CADM1: variants seen among roughly 807,000 people sequenced by gnomAD.
CADM1 encodes the protein TSLC-1.
CADM1 carries 15 observed loss-of-function variants against 53.1 expected under a neutral mutation model. The observed-to-expected ratio is 0.28, with a 90% confidence interval of 0.19 to 0.44. The LOEUF is 0.44. CADM1 is among the 20% of genes least tolerant of loss of function. CADM1 has a pLI of 1.00. For synonymous variants in CADM1, 281 were observed against 243.0 expected, an observed-to-expected ratio of 1.16 and a Z score of -1.45; for missense variants, 434 against 611.3, an observed-to-expected ratio of 0.71 and a Z score of 3.06.
chr11:115,226,209 G>A (rs1419947099), intron 5 of CADM1, among the ~76,000 whole-genome samples: 1 of 152,120 alleles, frequency 6.6e-6, no homozygotes, highest in Non-Finnish European at 1.5e-5. Flanking sequence ...TAATTTAATA[G>A]ATATTTTTAC....
At chr11:115,310,496 T>TG (rs975859442) in intron 1 of CADM1, among the ~76,000 whole-genome samples, 29 of 152,114 alleles carry the variant, frequency 1.9e-4, no homozygotes, top group Middle Eastern at 3.4e-3. Context: ...CATGTATGTA[T>TG]GGGGGGGTGG....
At chr11:115,203,287 T>C (rs1331786490) in intron 8 of CADM1, among the ~76,000 whole-genome samples, 1 of 152,164 alleles carries the variant, frequency 6.6e-6, no homozygotes, top group Non-Finnish European at 1.5e-5. Context: ...AGTGGTTTCA[T>C]TTAACAAGAA....
chr11:115,284,114 CTGTG>C lies in CADM1; in HGVS notation c.125-43698_125-43695del, dbSNP rs751286330. On this transcript the variant is annotated intron_variant, in intron 1 of 11. Transcript: ENST00000331581. ...TCTCTCTCTCTCTCTCTCTCTCTCT[CTGTG>C]TGTGTGTGTGTGTGTGTGTGTGTGT... Among the ~76,000 whole-genome samples the C allele has an allele frequency of 1.9e-3, 186 of 98,608 alleles. 1 individual carries two copies. Among genetic ancestry groups the C allele is most frequent in the South Asian group, 3.9e-3 (12 of 3,090 alleles). 64.7% of individuals were successfully genotyped at this position (98,608 alleles called of 152,430 possible).
At chr11:115,268,613 G>A (rs1943210656) in intron 1 of CADM1, among the ~76,000 whole-genome samples, 1 of 152,210 alleles carries the variant, frequency 6.6e-6, no homozygotes, top group Non-Finnish European at 1.5e-5. Flanking sequence ...AGGGTAACCA[G>A]AGCAGGGCCC....
intron 1 of CADM1, among the ~76,000 whole-genome samples, chr11:115,403,044 T>C (rs1947203446): frequency 6.6e-6 from 1 of 152,196 alleles, no homozygotes; most frequent in South Asian, 2.1e-4. Context: ...AACAGTAACT[T>C]CACTGTGGAG....
At chr11:115,481,010 G>T (rs952295318) in intron 1 of CADM1, among the ~76,000 whole-genome samples, 39 of 151,522 alleles carry the variant, frequency 2.6e-4, no homozygotes, top group Admixed American at 9.9e-4. Flanking sequence ...ATCTCCCTCT[G>T]TAATATCTCT....
intron 1 of CADM1, among the ~76,000 whole-genome samples, chr11:115,291,475 A>G (rs914709769): frequency 6.6e-6 from 1 of 152,226 alleles, no homozygotes; most frequent in African/African-American, 2.4e-5. Context: ...GGAAAATCAG[A>G]TAGACTCATT....
intron 1 of CADM1, among the ~76,000 whole-genome samples, chr11:115,493,205 C>T (rs77734497): frequency 0.012 from 1,774 of 151,222 alleles, 23 homozygotes; most frequent in Middle Eastern, 0.037. Flanking sequence ...ATACAGGAGC[C>T]ACTCTGAAGG....
At chr11:115,465,908 CT>C (rs1948890624) in intron 1 of CADM1, among the ~76,000 whole-genome samples, 2 of 152,092 alleles carry the variant, frequency 1.3e-5, no homozygotes, top group Non-Finnish European at 1.5e-5. Flanking sequence ...TAATAGAATT[CT>C]GCTAAAATGG....
At chr11:115,250,319 C>A (rs1942561669) in intron 1 of CADM1, among the ~76,000 whole-genome samples, 2 of 152,096 alleles carry the variant, frequency 1.3e-5, no homozygotes, top group Non-Finnish European at 2.9e-5. Context: ...ATTTTAAGTA[C>A]CCAATTTAAT....
intron 1 of CADM1, among the ~76,000 whole-genome samples, chr11:115,271,859 G>GTTT (rs1943308275): frequency 6.6e-6 from 1 of 152,150 alleles, no homozygotes; most frequent in Non-Finnish European, 1.5e-5. Context: ...CTGAGATGTG[G>GTTT]TATTCCATGT....
chr11:115,266,999 G>A (rs978169165), intron 1 of CADM1, among the ~76,000 whole-genome samples: 9 of 152,230 alleles, frequency 5.9e-5, no homozygotes, highest in African/African-American at 1.2e-4. Flanking sequence ...CTTCTTGCCT[G>A]TTGCACATGA....
intron 1 of CADM1, among the ~76,000 whole-genome samples, chr11:115,344,317 T>C (rs1461572572): frequency 6.6e-6 from 1 of 152,164 alleles, no homozygotes; most frequent in Non-Finnish European, 1.5e-5. Context: ...TTCAATGTCA[T>C]ATCTTTGTTT....
chr11:115,384,478 G>A (rs980561733), intron 1 of CADM1, among the ~76,000 whole-genome samples: 2 of 152,158 alleles, frequency 1.3e-5, no homozygotes, highest in African/African-American at 2.4e-5. Context: ...TCGATTGGCT[G>A]TTATCACAGA....
In CADM1 at chr11:115,173,447, G is replaced by T; in HGVS notation, c.*3027C>A. The T allele has an allele frequency of 6.6e-6, 1 of 152,508 alleles. No homozygotes were observed. The allele number at this position is 152,508 out of a possible 1,614,324, so 9.4% of individuals were successfully genotyped here. A position where few individuals can be genotyped will look rare whatever the true frequency, so the allele number is the denominator to read the frequency against. On this transcript the variant is annotated 3_prime_UTR_variant, in exon 12 of 12. Coordinates refer to ENST00000331581, the MANE Select transcript of CADM1 (RefSeq NM_001301043.2). Reference sequence around the variant, plus strand: ...TGGGGAAGAGAACAAGGACAGGAAGGATGAGCGGAGAAGGAGAGAGAGCGC... The same window carrying T: ...TGGGGAAGAGAACAAGGACAGGAAGTATGAGCGGAGAAGGAGAGAGAGCGC...
intron 10 of CADM1, among the ~76,000 whole-genome samples, chr11:115,182,864 G>A (rs1939376989): frequency 6.6e-6 from 1 of 152,170 alleles, no homozygotes; most frequent in Non-Finnish European, 1.5e-5. Context: ...TCGTGAGTTA[G>A]CTTTTCTTTT....
intron 1 of CADM1, among the ~76,000 whole-genome samples, chr11:115,308,939 A>G (rs1329841042): frequency 6.6e-6 from 1 of 152,060 alleles, no homozygotes; most frequent in Admixed American, 6.6e-5. Context: ...TATATAGACA[A>G]TGAGTATTCA....
At chr11:115,338,864 TTTTA>T (rs1350383826) in intron 1 of CADM1, among the ~76,000 whole-genome samples, 1 of 78,848 alleles carries the variant, frequency 1.3e-5, no homozygotes, top group African/African-American at 3.6e-5. Flanking sequence ...TTCCACCTTC[TTTTA>T]TTTTTTTTAT....
At chr11:115,393,312 T>C (rs1179423600) in intron 1 of CADM1, among the ~76,000 whole-genome samples, 4 of 151,840 alleles carry the variant, frequency 2.6e-5, no homozygotes, top group East Asian at 1.9e-4. Context: ...GGTAGGATTA[T>C]AGCTGAATTT....
Sources: allele counts gnomAD v4.1 joint callset (sites outside exome capture counted in the v4.1 genomes callset), GRCh38; gene constraint gnomAD v4.1.1; transcripts MANE v1.5; gene names NCBI Gene and HGNC (gene_info 2026-07-23, HGNC 2026-07-21).